SMG6: variants seen among roughly 807,000 people sequenced by gnomAD.
SMG6 encodes telomerase-binding protein EST1A.
SMG6 carries 66 observed loss-of-function variants against 142.2 expected under a neutral mutation model. The ratio of observed to expected loss-of-function variants is 0.46; its 90% CI spans 0.38 to 0.57. The LOEUF is 0.57. Ranked by LOEUF, SMG6 falls within the 20% of genes least tolerant of loss-of-function variation. The probability of loss-of-function intolerance (pLI) is 0.00; values close to 1 mark genes in which losing one functional copy is unlikely to be tolerated. For missense variants in SMG6, 1,793 were observed against 1,832.0 expected (o/e 0.98, Z 0.39); for synonymous variants, 779 against 702.4 (o/e 1.11, Z -1.72).
At chr17:2,258,530 C>T (rs1438160813) in intron 8 of SMG6, among the ~76,000 whole-genome samples, 1 of 144,744 alleles carries the variant, frequency 6.9e-6, no homozygotes, top group Non-Finnish European at 1.5e-5. Context: ...GCACTCCAGG[C>T]TAGGCGACAG....
intron 13 of SMG6, among the ~76,000 whole-genome samples, chr17:2,092,076 C>A (rs1338582884): frequency 6.6e-6 from 1 of 151,954 alleles, no homozygotes; most frequent in Non-Finnish European, 1.5e-5. Context: ...ACCTCCGCCT[C>A]CCGGGTTGAA....
At chr17:2,164,498 C>T (rs1023173784) in intron 13 of SMG6, among the ~76,000 whole-genome samples, 2 of 152,084 alleles carry the variant, frequency 1.3e-5, no homozygotes, top group African/African-American at 2.4e-5. Flanking sequence ...ATCCCAGCTA[C>T]TAGGGAGACT....
chr17:2,178,096 G>A (rs16951969), intron 12 of SMG6, among the ~76,000 whole-genome samples: 2,607 of 152,290 alleles, frequency 0.017, 72 homozygotes, highest in African/African-American at 0.059. Flanking sequence ...GCTTGAAATG[G>A]CTTAGCATGC....
At position 2,071,031 on chromosome 17, in the gene SMG6, C is replaced by T. The variant is rs112949075; in HGVS notation, c.3682-2100G>A. Among the ~76,000 whole-genome samples the T allele has an allele frequency of 4.2e-3, 645 of 152,348 alleles. 6 individuals carry two copies. Among genetic ancestry groups the T allele is most frequent in the African/African-American group, 0.013 (543 of 41,574 alleles). ...TAGCTCTTCTGTTGCCAGGCATGCT[C>T]TCCTGGTACCGTGGCTCTCAAATCT... On this transcript the variant is annotated intron_variant, in intron 15 of 18. Transcript: ENST00000263073. The surrounding 1 kb of genome is among the most constrained non-coding windows in gnomAD (Gnocchi z 5.6).
intron 13 of SMG6, among the ~76,000 whole-genome samples, chr17:2,091,122 C>A (rs2068703612): frequency 1.3e-5 from 2 of 152,176 alleles, no homozygotes; most frequent in African/African-American, 4.8e-5. Context: ...TCAGAGGAAA[C>A]TGAAGGGTGG....
chr17:2,090,479 G>T (rs1285019100), intron 13 of SMG6, among the ~76,000 whole-genome samples: 1 of 152,192 alleles, frequency 6.6e-6, no homozygotes, highest in African/African-American at 2.4e-5. Flanking sequence ...GGAATATGAG[G>T]AAGGGCTGGA....
intron 10 of SMG6, among the ~76,000 whole-genome samples, chr17:2,190,716 AC>A (rs1233611815): frequency 8.8e-6 from 1 of 113,178 alleles, no homozygotes; most frequent in Admixed American, 8.8e-5. Flanking sequence ...GTGCTCAGCC[AC>A]CTCCCAGGGC....
intron 13 of SMG6, among the ~76,000 whole-genome samples, chr17:2,144,615 C>CT (rs1232000478): frequency 6.6e-6 from 1 of 151,974 alleles, no homozygotes; most frequent in Non-Finnish European, 1.5e-5. Flanking sequence ...CACGGGAATT[C>CT]TTTGTGGCCT....
chr17:2,220,004 C>T (rs1209431718), intron 10 of SMG6, among the ~76,000 whole-genome samples: 1 of 152,106 alleles, frequency 6.6e-6, no homozygotes, highest in Non-Finnish European at 1.5e-5. Flanking sequence ...TCACTGCAAC[C>T]TCCAACCCCT....
intron 13 of SMG6, among the ~76,000 whole-genome samples, chr17:2,127,252 A>G (rs2069927114): frequency 1.3e-5 from 2 of 152,056 alleles, no homozygotes; most frequent in Non-Finnish European, 2.9e-5. Flanking sequence ...GGAAGGGGGA[A>G]TGAGGAGTTA....
At chr17:2,298,205 C>T in intron 2 of SMG6, 150 bp from the exon 3 acceptor site, 1 of 646,266 alleles carries the variant, frequency 1.5e-6, no homozygotes, top group Non-Finnish European at 2.5e-6. Context: ...GGTTTCCATT[C>T]TGCAGAGCAG....
chr17:2,110,654 C>T (rs1476564214), intron 13 of SMG6, among the ~76,000 whole-genome samples: 1 of 152,090 alleles, frequency 6.6e-6, no homozygotes, highest in Non-Finnish European at 1.5e-5. Context: ...GTGCTCAAGT[C>T]CATCAGTCAT....
chr17:2,146,267 G>C lies in SMG6; in HGVS notation c.3357+26391C>G, dbSNP rs530591492. On this transcript the variant is annotated intron_variant, in intron 13 of 18. Transcript: ENST00000263073. Reference sequence around the variant, plus strand: ...GCTTACTTTAGATGGGCAGGTGATGGGGCCAATGCATCCACATCCCTAAAC... The same window carrying C: ...GCTTACTTTAGATGGGCAGGTGATGCGGCCAATGCATCCACATCCCTAAAC... 2.0e-5 allele frequency among the ~76,000 whole-genome samples: 3 copies of C among 152,202 alleles called. No individual in the cohort carries two copies. The East Asian group carries it at 5.8e-4, about 29-fold the overall frequency.
At chr17:2,175,141 G>C (rs1314537851) in intron 12 of SMG6, among the ~76,000 whole-genome samples, 1 of 152,178 alleles carries the variant, frequency 6.6e-6, no homozygotes, top group Non-Finnish European at 1.5e-5. Flanking sequence ...TGAGCCCGCT[G>C]CCTGAGTCTG....
intron 10 of SMG6, among the ~76,000 whole-genome samples, chr17:2,227,334 A>T (rs1244976930): frequency 6.6e-6 from 1 of 152,264 alleles, no homozygotes; most frequent in Non-Finnish European, 1.5e-5. Context: ...ATGTTTATCA[A>T]CAGGTAACTG....
chr17:2,116,155 C>T (rs1388770301), intron 13 of SMG6, among the ~76,000 whole-genome samples: 4 of 152,154 alleles, frequency 2.6e-5, no homozygotes, highest in Admixed American at 2.6e-4. Flanking sequence ...ACTGCACCCT[C>T]AACTGCCTCG....
Position 2,085,640 on chromosome 17 carries a change from A to G in SMG6, c.3534+85T>C, listed in dbSNP as rs1479689017. 1 of 1,337,702 alleles carries G rather than the reference A, an allele frequency of 7.5e-7. No homozygotes were observed. Among genetic ancestry groups the G allele is most frequent in the East Asian group, 2.3e-5 (1 of 43,414 alleles). The allele number at this position is 1,337,702 out of a possible 1,614,324, so 82.9% of individuals were successfully genotyped here. A position where few individuals can be genotyped will look rare whatever the true frequency, so the allele number is the denominator to read the frequency against. On this transcript the variant is annotated intron_variant, in intron 14 of 18. Coordinates refer to ENST00000263073, the MANE Select transcript of SMG6 (RefSeq NM_017575.5). The surrounding 1 kb of genome is among the most constrained non-coding windows in gnomAD (Gnocchi z 4.1). ...ACAGACGCTGTTCTCTGTGCTCATAAATAAGCAGGAGGAAAAGCTGAAGCC... is the reference window on the plus strand; with the variant it reads ...ACAGACGCTGTTCTCTGTGCTCATAGATAAGCAGGAGGAAAAGCTGAAGCC...
chr17:2,188,341 G>A (rs1597556627), intron 11 of SMG6, 58 bp downstream of exon 11: 2 of 1,413,078 alleles, frequency 1.4e-6, no homozygotes, highest in East Asian at 4.6e-5. Flanking sequence ...GCACTGTGAG[G>A]TCTGGACAAG....
chr17:2,118,752 G>C (rs1490679136), intron 13 of SMG6, among the ~76,000 whole-genome samples: 1 of 151,966 alleles, frequency 6.6e-6, no homozygotes, highest in African/African-American at 2.4e-5. Context: ...ATGTCTGGCT[G>C]ATTTTTTAAT....
Sources: gnomAD v4.1 joint callset for allele counts (sites outside exome capture counted in the v4.1 genomes callset) on GRCh38, gnomAD v4.1.1 for gene constraint, Gnocchi (gnomAD v3.1) non-coding constraint, MANE v1.5 for transcripts, NCBI Gene and HGNC (gene_info 2026-07-23, HGNC 2026-07-21) for gene names.